The following DENND2C variants were observed in gnomAD, a reference collection of about 807,000 sequenced individuals.
DENND2C encodes DENN domain-containing protein 2C.
Under a neutral mutation model 112.4 loss-of-function variants are expected in DENND2C, and 72 were observed. The observed-to-expected ratio is 0.64, with a 90% CI of 0.53 to 0.78. DENND2C has a LOEUF of 0.78. DENND2C is among the 30% of genes least tolerant of loss of function. DENND2C has a pLI of 0.00. For missense variants in DENND2C, 992 were observed against 1,113.8 expected, an observed-to-expected ratio of 0.89 and a Z score of 1.56; for synonymous variants, 329 against 381.6, an observed-to-expected ratio of 0.86 and a Z score of 1.61.
Position 114,625,206 on chromosome 1 carries a change from C to G in DENND2C, c.779G>C (p.Gly260Ala), listed in dbSNP as rs1288299498. 6.2e-7 allele frequency: 1 copy of G among 1,608,858 alleles called. No homozygotes were observed. ...SSQEPEPKKY[G>A]GKIRGRSKRK... ...TTTAGATCTTCCTCTGATTTTTCCA[C>G]CATATTTCTTTGGTTCAGGTTCCTG... is the stretch of plus-strand genomic sequence containing the variant. Residue 260 changes from glycine to alanine, a missense_variant, in exon 4 of 21, where the codon GGT becomes GCT. Physicochemically the swap from Gly to Ala is moderately conservative, Grantham distance 60 (BLOSUM62 0). Around this residue, in one of 3 missense-constraint regions of DENND2C, gnomAD observed 470 missense variants for 472.7 expected, o/e 0.99. Coordinates refer to ENST00000393274, the MANE Select transcript of DENND2C (RefSeq NM_001256404.2).
intron 18 of DENND2C, among the ~76,000 whole-genome samples, chr1:114,590,413 G>C (rs2101639847): frequency 6.6e-6 from 1 of 151,970 alleles, no homozygotes; most frequent in East Asian, 1.9e-4. Flanking sequence ...CATTCTTAAG[G>C]CTTTATTCTC....
intron 8 of DENND2C, among the ~76,000 whole-genome samples, chr1:114,615,211 C>T (rs946086421): frequency 6.6e-6 from 1 of 152,158 alleles, no homozygotes; most frequent in African/African-American, 2.4e-5. Flanking sequence ...AATAATAATG[C>T]ATCAGAAAGG....
chr1:114,647,187 G>A (rs1332884349), intron 2 of DENND2C, among the ~76,000 whole-genome samples: 1 of 151,152 alleles, frequency 6.6e-6, no homozygotes, highest in East Asian at 1.9e-4. Context: ...GAGAGAGAGA[G>A]AGAGAATATT....
At chr1:114,645,909 C>T (rs1198554967) in intron 2 of DENND2C, among the ~76,000 whole-genome samples, 1 of 151,606 alleles carries the variant, frequency 6.6e-6, no homozygotes, top group Non-Finnish European at 1.5e-5. Flanking sequence ...AATCATGTTT[C>T]TTTAGAAAAA....
chr1:114,639,856 C>T (rs1196318214), intron 3 of DENND2C, among the ~76,000 whole-genome samples: 1 of 151,982 alleles, frequency 6.6e-6, no homozygotes, highest in African/African-American at 2.4e-5. Flanking sequence ...CTGGCCACCA[C>T]TGCCTTTTTA....
intron 1 of DENND2C, among the ~76,000 whole-genome samples, chr1:114,669,205 C>T (rs1319177018): frequency 6.6e-6 from 1 of 152,196 alleles, no homozygotes; most frequent in Admixed American, 6.5e-5. Flanking sequence ...ACAGAATATA[C>T]ACGCTCCACA....
intron 16 of DENND2C, among the ~76,000 whole-genome samples, chr1:114,598,568 G>A (rs972655508): frequency 3.3e-5 from 5 of 152,036 alleles, no homozygotes; most frequent in African/African-American, 1.2e-4. Flanking sequence ...TCTTCTAGGG[G>A]GCTGGCACTG....
Position 114,604,995 on chromosome 1 carries a change from C to T in DENND2C, c.1594G>A (p.Glu532Lys), listed in dbSNP as rs201938234. 39 of 1,613,570 alleles carry T rather than the reference C, an allele frequency of 2.4e-5. No homozygotes were observed. The highest frequency in any genetic ancestry group is 3.3e-4 in the Middle Eastern group (2 of 6,074). Residue 532 changes from glutamate (E) to lysine (K), a missense_variant, in exon 11 of 21, where the codon GAG becomes AAG. Physicochemically the swap from Glu to Lys is moderately conservative, Grantham distance 56. Transcript: ENST00000393274. Reference protein sequence around the residue: ...HGYKQSKDMEERLKVIPKFCF... With the variant: ...HGYKQSKDMEKRLKVIPKFCF... Reference sequence around the variant, plus strand: ...AATTTTGGAATAACTTTAAGTCTCTCTTCCATGTCTTTGGACTGCTTATAG... The same window carrying T: ...AATTTTGGAATAACTTTAAGTCTCTTTTCCATGTCTTTGGACTGCTTATAG...
chr1:114,605,489 T>G (rs1313662809), intron 10 of DENND2C, among the ~76,000 whole-genome samples: 3 of 152,132 alleles, frequency 2.0e-5, no homozygotes, highest in African/African-American at 7.2e-5. Flanking sequence ...TTTGAAATGG[T>G]AGATGAATGT....
chr1:114,641,439 T>C (rs1033605930), intron 3 of DENND2C, among the ~76,000 whole-genome samples: 2 of 151,850 alleles, frequency 1.3e-5, no homozygotes, highest in African/African-American at 4.8e-5. Flanking sequence ...GAGTGGGAGG[T>C]GTTTGTGTCA....
chr1:114,592,093 C>T (rs1339581252), intron 18 of DENND2C, among the ~76,000 whole-genome samples: 3 of 151,900 alleles, frequency 2.0e-5, no homozygotes, highest in Non-Finnish European at 4.4e-5. Flanking sequence ...CCATGTTGGC[C>T]AGGCTGGTCT....
Position 114,622,024 on chromosome 1 carries a change from T to A in DENND2C, c.1098A>T (p.Glu366Asp), listed in dbSNP as rs913214740. The A allele has an allele frequency of 6.5e-7, 1 of 1,549,506 alleles. No homozygotes were observed. Among genetic ancestry groups the A allele is most frequent in the African/African-American group, 1.4e-5 (1 of 72,886 alleles). Residue 366 changes from glutamate to aspartate, a missense_variant, in exon 7 of 21, where the codon GAA becomes GAT. Glu to Asp is a conservative substitution (Grantham distance 45, BLOSUM62 2). This residue lies in a region of DENND2C where 470 missense variants were observed against 472.7 expected (regional missense o/e 0.99). Transcript: ENST00000393274. ...GCAAATAAGCCTGTGAGTTCTTTAC[T>A]TCCATAGTCTTCCGGTGAAGGAACT... ...KPQFLHRKTMEVKNSQAYLRS... is the reference protein window; with the variant it reads ...KPQFLHRKTMDVKNSQAYLRS...
At chr1:114,623,474 ACTAAAT>A in intron 5 of DENND2C, 27 bp downstream of exon 5, 8 of 1,586,986 alleles carry the variant, frequency 5.0e-6, no homozygotes, top group Non-Finnish European at 6.9e-6. Flanking sequence ...ATATATAATC[ACTAAAT>A]TTAACTGCAA....
chr1:114,669,653 C>G (rs1426461943), intron 1 of DENND2C, among the ~76,000 whole-genome samples: 2 of 152,210 alleles, frequency 1.3e-5, no homozygotes, highest in Non-Finnish European at 2.9e-5. Flanking sequence ...CTCCCTCCCT[C>G]TTCCCCAGCA....
In DENND2C at chr1:114,625,631, A is replaced by G; in HGVS notation, c.354T>C (p.Cys118=). The change falls in exon 4 of 21, where the codon TGT becomes TGC. Residue 118 remains cysteine, a synonymous_variant. Transcript: ENST00000393274. ...FKNESESNWV[C]SRVKEIESCK... ...AGCTTTCAATTTCTTTGACCCGAGAACATACCCAGTTGGATTCTGATTCAT... is the reference window on the plus strand; with the variant it reads ...AGCTTTCAATTTCTTTGACCCGAGAGCATACCCAGTTGGATTCTGATTCAT... 1 of 1,614,176 alleles carries G rather than the reference A, an allele frequency of 6.2e-7. No homozygotes were observed. Among genetic ancestry groups the G allele is most frequent in the Non-Finnish European group, 8.5e-7 (1 of 1,180,020 alleles).
At chr1:114,624,135 C>T (rs1238214469) in intron 4 of DENND2C, among the ~76,000 whole-genome samples, 2 of 152,186 alleles carry the variant, frequency 1.3e-5, no homozygotes, top group Non-Finnish European at 2.9e-5. Context: ...CTGTGCCTTA[C>T]GAACACCATG....
Position 114,635,754 on chromosome 1 carries a change from C to A in DENND2C, c.-204-9566G>T, listed in dbSNP as rs2101676396. ...GGGCGCGATCACTCACACCTGTAAT[C>A]CCAACAATTTGGGAGGCTGAGGAGG... is the stretch of plus-strand genomic sequence containing the variant. On this transcript the variant is annotated intron_variant, in intron 3 of 20. Transcript: ENST00000393274. 1.3e-5 allele frequency among the ~76,000 whole-genome samples: 2 copies of A among 152,268 alleles called. 1 individual carries two copies. The highest frequency in any genetic ancestry group is 4.1e-4 in the South Asian group (2 of 4,822).
intron 6 of DENND2C, among the ~76,000 whole-genome samples, chr1:114,622,274 C>T (rs1374315231): frequency 4.6e-5 from 7 of 152,078 alleles, no homozygotes; most frequent in Middle Eastern, 3.4e-3. Flanking sequence ...TCACCACATC[C>T]GGCTAATTTT....
chr1:114,601,310 C>G (rs940107387), intron 13 of DENND2C, among the ~76,000 whole-genome samples, 198 bp downstream of exon 13: 1 of 152,134 alleles, frequency 6.6e-6, no homozygotes, highest in Non-Finnish European at 1.5e-5. Context: ...CTCCCTTAAG[C>G]TGAAAGTTCT....
Sources: allele counts gnomAD v4.1 joint callset (sites outside exome capture counted in the v4.1 genomes callset), GRCh38; gene constraint gnomAD v4.1.1; regional missense constraint gnomAD v4.1.1; transcripts MANE v1.5; gene names NCBI Gene and HGNC (gene_info 2026-07-23, HGNC 2026-07-21).